Variants in EPHA7 observed in about 807,000 individuals in gnomAD.
The protein encoded by EPHA7 is ephrin type-A receptor 7.
EPHA7 carries 25 observed loss-of-function variants against 112.6 expected under a neutral mutation model. The observed-to-expected ratio is 0.22, with a 90% CI of 0.16 to 0.31. EPHA7 has a LOEUF of 0.31. EPHA7 is among the 10% of genes least tolerant of loss of function. The probability of loss-of-function intolerance (pLI) is 1.00; values close to 1 mark genes in which losing one functional copy is unlikely to be tolerated. For synonymous variants in EPHA7, 437 were observed against 406.5 expected (o/e 1.07, Z -0.90); for missense variants, 962 against 1,212.6 (o/e 0.79, Z 3.07).
Position 93,383,263 on chromosome 6 carries a change from C to CGTGTGT in EPHA7, c.833-24858_833-24853dup, listed in dbSNP as rs56368005. ...ATATACAATGACTTATATTGGAACT[C>CGTGTGT]GTGTGTGTGTGTGTGTGTGTGTGTG... On this transcript the variant is annotated intron_variant, in intron 3 of 16. Transcript: ENST00000369303. Among the ~76,000 whole-genome samples, 26 of 145,324 alleles carry CGTGTGT rather than the reference C, an allele frequency of 1.8e-4. No homozygotes were observed. In the East Asian group the frequency reaches 2.3e-3, roughly 13 times the overall value.
chr6:93,371,443 A>G (rs1310944009), intron 3 of EPHA7, among the ~76,000 whole-genome samples: 1 of 152,154 alleles, frequency 6.6e-6, no homozygotes, highest in African/African-American at 2.4e-5. Flanking sequence ...CATTTTATAT[A>G]AGGGACTTAA....
chr6:93,343,534 A>G (rs191999408), intron 5 of EPHA7, among the ~76,000 whole-genome samples: 13 of 151,928 alleles, frequency 8.6e-5, no homozygotes, highest in Non-Finnish European at 1.3e-4. Flanking sequence ...GTTATGAATT[A>G]AAATTGAAAA....
At chr6:93,336,193 A>G (rs752283733) in intron 5 of EPHA7, among the ~76,000 whole-genome samples, 1 of 152,194 alleles carries the variant, frequency 6.6e-6, no homozygotes, top group Non-Finnish European at 1.5e-5. Context: ...TCATCACATA[A>G]CTTATATTTT....
intron 3 of EPHA7, among the ~76,000 whole-genome samples, chr6:93,360,126 A>G (rs1776184918): frequency 6.6e-6 from 1 of 152,300 alleles, no homozygotes; most frequent in South Asian, 2.1e-4. Flanking sequence ...TATAAGGCAT[A>G]GAGAGAACAA....
intron 5 of EPHA7, among the ~76,000 whole-genome samples, chr6:93,282,544 GCCACACTTGA>G (rs1285435911): frequency 5.9e-5 from 9 of 152,232 alleles, no homozygotes; most frequent in African/African-American, 2.2e-4. Flanking sequence ...GCCTACTCTG[GCCACACTTGA>G]GGAGCCCTTC....
intron 3 of EPHA7, among the ~76,000 whole-genome samples, chr6:93,388,606 T>C (rs560947435): frequency 5.3e-5 from 8 of 152,192 alleles, no homozygotes; most frequent in Non-Finnish European, 8.8e-5. Flanking sequence ...TGGGTACATA[T>C]TGAAAGCCTC....
chr6:93,259,423 T>C lies in EPHA7; in HGVS notation c.1855A>G (p.Arg619Gly), dbSNP rs751571551. 6.2e-7 allele frequency: 1 copy of C among 1,612,140 alleles called. No homozygotes were observed. Among genetic ancestry groups the C allele is most frequent in the Non-Finnish European group, 8.5e-7 (1 of 1,178,504 alleles). ...TCCTTGGCGAATTGATGGACAGCTC[T>C]ATTTGGGTCCTCATAGGTTTCAGGG... is the stretch of plus-strand genomic sequence containing the variant. ...IDPETYEDPNRAVHQFAKELD... is the reference protein window; with the variant it reads ...IDPETYEDPNGAVHQFAKELD... Residue 619 changes from arginine to glycine, a missense_variant, in exon 10 of 17, where the codon AGA becomes GGA. Transcript: ENST00000369303.
At chr6:93,405,841 AT>A (rs1424642497) in intron 3 of EPHA7, among the ~76,000 whole-genome samples, 6 of 139,298 alleles carry the variant, frequency 4.3e-5, no homozygotes, top group Non-Finnish European at 9.4e-5. Flanking sequence ...ATATATATAT[AT>A]ATATATATAA....
chr6:93,417,617 C>A (rs1027445745), intron 1 of EPHA7, among the ~76,000 whole-genome samples: 2 of 152,160 alleles, frequency 1.3e-5, no homozygotes, highest in African/African-American at 4.8e-5. Context: ...TGCGTGTGTT[C>A]GCGCGCGGGG....
intron 5 of EPHA7, among the ~76,000 whole-genome samples, chr6:93,329,516 A>G (rs1774484723): frequency 6.6e-6 from 1 of 151,356 alleles, no homozygotes; most frequent in Non-Finnish European, 1.5e-5. Context: ...CATGAGTGCT[A>G]TGCCATGAAC....
intron 3 of EPHA7, among the ~76,000 whole-genome samples, chr6:93,365,098 C>T (rs1237175797): frequency 1.3e-5 from 2 of 152,190 alleles, no homozygotes; most frequent in East Asian, 3.9e-4. Context: ...TACAACTTGA[C>T]TCAGCTTCCT....
At chr6:93,382,417 G>A (rs944175529) in intron 3 of EPHA7, among the ~76,000 whole-genome samples, 5 of 152,142 alleles carry the variant, frequency 3.3e-5, no homozygotes, top group African/African-American at 7.2e-5. Context: ...GAGCGCAAGC[G>A]CAGGTGGTAA....
At chr6:93,337,834 C>G (rs538939298) in intron 5 of EPHA7, among the ~76,000 whole-genome samples, 4 of 152,060 alleles carry the variant, frequency 2.6e-5, no homozygotes, top group South Asian at 2.1e-4. Flanking sequence ...CTTTGTTCAC[C>G]GTTTATATGA....
intron 1 of EPHA7, among the ~76,000 whole-genome samples, chr6:93,417,187 G>T (rs1779279503): frequency 6.6e-6 from 1 of 152,182 alleles, no homozygotes; most frequent in Admixed American, 6.5e-5. Context: ...GAGAGAACGT[G>T]CACAAGGAAA....
At chr6:93,400,485 C>G (rs942654839) in intron 3 of EPHA7, among the ~76,000 whole-genome samples, 27 of 152,122 alleles carry the variant, frequency 1.8e-4, no homozygotes, top group African/African-American at 6.5e-4. Context: ...CCCCTAATCC[C>G]TCTCCTGGTC....
At chr6:93,384,895 T>C (rs1051408898) in intron 3 of EPHA7, among the ~76,000 whole-genome samples, 1 of 152,154 alleles carries the variant, frequency 6.6e-6, no homozygotes, top group African/African-American at 2.4e-5. Context: ...ATATTTTCAA[T>C]AGAAGGAAGA....
At chr6:93,360,722 T>C (rs1050812767) in intron 3 of EPHA7, among the ~76,000 whole-genome samples, 7 of 152,134 alleles carry the variant, frequency 4.6e-5, no homozygotes, top group Non-Finnish European at 7.4e-5. Context: ...CTCTTATCAC[T>C]TAACTTTCAA....
chr6:93,246,872 T>G lies in EPHA7; in HGVS notation c.2646A>C (p.Lys882Asn), dbSNP rs747995954. The stretch of plus-strand genomic sequence containing the variant: ...CTAGAATTCCAACTATCTGTTCAAA[T>G]TTTGGCCTTTCAGCACGCTCCTTTT... ...CWQKERAERP[K>N]FEQIVGILDK... The change falls in exon 15 of 17, where the codon AAA (lysine) becomes AAC (asparagine). Residue 882 changes from lysine (K) to asparagine (N), a missense_variant. Coordinates refer to ENST00000369303, the MANE Select transcript of EPHA7 (RefSeq NM_004440.4). 1.9e-6 allele frequency: 3 copies of G among 1,613,994 alleles called. No homozygotes were observed. The highest frequency in any genetic ancestry group is 1.7e-6 in the Non-Finnish European group (2 of 1,179,866).
intron 3 of EPHA7, among the ~76,000 whole-genome samples, chr6:93,406,997 C>A (rs1244549428): frequency 6.6e-6 from 1 of 151,708 alleles, no homozygotes; most frequent in East Asian, 1.9e-4. Context: ...ATTATAAATT[C>A]TTAAATCAAT....
Sources: gnomAD v4.1 joint callset for allele counts (sites outside exome capture counted in the v4.1 genomes callset) on GRCh38, gnomAD v4.1.1 for gene constraint, MANE v1.5 for transcripts, NCBI Gene and HGNC (gene_info 2026-07-23, HGNC 2026-07-21) for gene names.